CELF4: variants seen among roughly 807,000 people sequenced by gnomAD.
CELF4 encodes CUGBP Elav-like family member 4, also known as CUG-BP- and ETR-3-like factor 4.
Under a neutral mutation model 59.9 loss-of-function variants are expected in CELF4, and 18 were observed. That is an observed-to-expected ratio of 0.30 (90% CI 0.21 to 0.45). The LOEUF is 0.45. Among genes scored for constraint, CELF4 ranks in the 20% least tolerant of loss-of-function variants. The pLI, the probability that CELF4 is intolerant of heterozygous loss-of-function variation, is 1.00. For missense variants in CELF4, 456 were observed against 689.0 expected (o/e 0.66, Z 3.79); for synonymous variants, 261 against 267.1 (o/e 0.98, Z 0.22).
At chr18:37,336,277 G>T (rs960628138) in intron 2 of CELF4, among the ~76,000 whole-genome samples, 1 of 152,186 alleles carries the variant, frequency 6.6e-6, no homozygotes, top group Non-Finnish European at 1.5e-5. Flanking sequence ...AGGCTGGAGT[G>T]CAGTGGGCTC....
At chr18:37,251,009 T>C (rs1209188685) in intron 12 of CELF4, among the ~76,000 whole-genome samples, 2 of 151,758 alleles carry the variant, frequency 1.3e-5, no homozygotes, top group East Asian at 1.9e-4. Flanking sequence ...GGGTAATAGG[T>C]TGGGGTGAGG....
chr18:37,439,627 C>A (rs1267424134), intron 2 of CELF4, among the ~76,000 whole-genome samples: 1 of 152,140 alleles, frequency 6.6e-6, no homozygotes, highest in African/African-American at 2.4e-5. Flanking sequence ...GGGACCTCCA[C>A]AACTTGGCCT....
At chr18:37,390,263 T>G (rs1004182435) in intron 2 of CELF4, among the ~76,000 whole-genome samples, 15 of 152,106 alleles carry the variant, frequency 9.9e-5, no homozygotes, top group African/African-American at 3.6e-4. Context: ...TCCACTTGAT[T>G]CTTCCTCTCG....
chr18:37,269,940 G>C (rs956369576), intron 8 of CELF4, among the ~76,000 whole-genome samples: 1 of 152,132 alleles, frequency 6.6e-6, no homozygotes, highest in Admixed American at 6.5e-5. Context: ...TGATACTTAC[G>C]GGGACTCTAA....
intron 2 of CELF4, among the ~76,000 whole-genome samples, chr18:37,465,236 C>T (rs992970894): frequency 1.3e-5 from 2 of 152,082 alleles, no homozygotes; most frequent in Non-Finnish European, 2.9e-5. Flanking sequence ...GATCTTAGTG[C>T]CATGGGGACA....
chr18:37,281,340 C>G (rs1259116149), intron 3 of CELF4, among the ~76,000 whole-genome samples: 1 of 152,254 alleles, frequency 6.6e-6, no homozygotes, highest in East Asian at 1.9e-4. Context: ...CAATTTGATT[C>G]ACTCATTACC....
intron 1 of CELF4, among the ~76,000 whole-genome samples, chr18:37,545,212 C>T (rs778203508): frequency 6.6e-6 from 1 of 152,272 alleles, no homozygotes; most frequent in Non-Finnish European, 1.5e-5. Context: ...GTGTGAGGAG[C>T]GGGTAGTGTC....
At chr18:37,451,485 G>A (rs1027979956) in intron 2 of CELF4, among the ~76,000 whole-genome samples, 2 of 152,168 alleles carry the variant, frequency 1.3e-5, no homozygotes, top group Admixed American at 1.3e-4. Context: ...GTACCCATGT[G>A]CATGTGTGTC....
chr18:37,561,982 T>G (rs868283034), intron 1 of CELF4, among the ~76,000 whole-genome samples: 1 of 152,216 alleles, frequency 6.6e-6, no homozygotes, highest in African/African-American at 2.4e-5. Context: ...GGGTGTTGTT[T>G]CTTTGAATTT....
At chr18:37,548,704 G>A (rs202101790) in intron 1 of CELF4, among the ~76,000 whole-genome samples, 2 of 152,200 alleles carry the variant, frequency 1.3e-5, no homozygotes, top group South Asian at 4.1e-4. Context: ...CCTAAGCAAT[G>A]GGTTGAGCAG....
chr18:37,353,328 C>G lies in CELF4; in HGVS notation c.370-31447G>C, dbSNP rs149724094. 6.0e-3 allele frequency among the ~76,000 whole-genome samples: 910 copies of G among 151,346 alleles called. 10 individuals carry two copies. The highest frequency in any genetic ancestry group is 0.021 in the African/African-American group (866 of 41,268). ...GCATATGGTTTTATAGTTAAACTTT[C>G]CAGTGAGGCCAGATTCAGCAATCCC... On this transcript the variant is annotated intron_variant, in intron 2 of 12. Coordinates refer to ENST00000420428, the MANE Select transcript of CELF4 (RefSeq NM_020180.4).
In CELF4 at chr18:37,565,559, C is replaced by G; in HGVS notation, c.83G>C (p.Gly28Ala). ...LSTNGLGSSP[G>A]SAGHMNGLSH... Reference sequence around the variant, plus strand: ...TAATCCGTTCATGTGCCCGGCACTGCCCGGGCTGCTGCCGAGCCCGTTGGT... The same window carrying G: ...TAATCCGTTCATGTGCCCGGCACTGGCCGGGCTGCTGCCGAGCCCGTTGGT... Residue 28 changes from glycine (G) to alanine (A), a missense_variant, in exon 1 of 13, where the codon GGC (glycine) becomes GCC (alanine). Physicochemically the swap from Gly to Ala is moderately conservative, Grantham distance 60 (BLOSUM62 0). Coordinates refer to ENST00000420428, the MANE Select transcript of CELF4 (RefSeq NM_020180.4). The G allele has an allele frequency of 6.2e-7, 1 of 1,614,102 alleles. No individual in the cohort carries two copies.
intron 12 of CELF4, among the ~76,000 whole-genome samples, chr18:37,247,764 G>C (rs1013681964): frequency 1.3e-5 from 2 of 152,096 alleles, no homozygotes; most frequent in African/African-American, 2.4e-5. Flanking sequence ...CGTTGGGGAG[G>C]GGGGCATGGG....
intron 1 of CELF4, among the ~76,000 whole-genome samples, chr18:37,551,029 A>G (rs1281423465): frequency 2.0e-5 from 3 of 152,194 alleles, no homozygotes; most frequent in South Asian, 4.2e-4. Context: ...GAGAGCCCTC[A>G]GTCCTGGTTT....
rs1258827129 is a variant in CELF4, at chr18:37,314,115, A to G, written c.448+7688T>C. Among the ~76,000 whole-genome samples, 5 of 152,188 alleles carry G rather than the reference A, an allele frequency of 3.3e-5. 1 individual carries two copies. Among genetic ancestry groups the G allele is most frequent in the Non-Finnish European group, 7.4e-5 (5 of 68,018 alleles). On this transcript the variant is annotated intron_variant, in intron 3 of 12. Coordinates refer to ENST00000420428, the MANE Select transcript of CELF4 (RefSeq NM_020180.4). Reference sequence around the variant, plus strand: ...ACCAGAGACAGGCTGAGAGACAGGGACACAGAGACACAAGATGCAGGAGTG... The same window carrying G: ...ACCAGAGACAGGCTGAGAGACAGGGGCACAGAGACACAAGATGCAGGAGTG...
intron 1 of CELF4, chr18:37,529,224 G>C (rs901216092): frequency 6.6e-6 from 1 of 152,138 alleles, no homozygotes; most frequent in African/African-American, 2.4e-5. Context: ...ACATGTATCT[G>C]GTCCTCAGGA....
rs551397239 is a variant in CELF4, at chr18:37,343,522, T to C, written c.370-21641A>G. Among the ~76,000 whole-genome samples the C allele has an allele frequency of 5.3e-5, 8 of 152,008 alleles. No homozygotes were observed. In the South Asian group the frequency reaches 1.7e-3, roughly 32 times the overall value. On this transcript the variant is annotated intron_variant, in intron 2 of 12. Coordinates refer to ENST00000420428, the MANE Select transcript of CELF4 (RefSeq NM_020180.4). ...TAAGGGTTGCCGGCCAGGCTCGGCTTTGTGTTCAGCCTCCCCACCTCCCAT... is the reference window on the plus strand; with the variant it reads ...TAAGGGTTGCCGGCCAGGCTCGGCTCTGTGTTCAGCCTCCCCACCTCCCAT...
At chr18:37,524,579 G>C (rs918809244) in intron 1 of CELF4, among the ~76,000 whole-genome samples, 1 of 152,074 alleles carries the variant, frequency 6.6e-6, no homozygotes, top group Non-Finnish European at 1.5e-5. Context: ...TTCGGCCGGC[G>C]GGGCAGCCCC....
intron 1 of CELF4, among the ~76,000 whole-genome samples, chr18:37,524,739 C>T (rs998978658): frequency 6.6e-6 from 1 of 152,198 alleles, no homozygotes; most frequent in African/African-American, 2.4e-5. Context: ...CGGCCCACAG[C>T]CCCTGCTCCC....
Sources: allele counts gnomAD v4.1 joint callset (sites outside exome capture counted in the v4.1 genomes callset), GRCh38; gene constraint gnomAD v4.1.1; transcripts MANE v1.5; gene names NCBI Gene and HGNC (gene_info 2026-07-23, HGNC 2026-07-21).